KIF5C: variants seen among roughly 807,000 people sequenced by gnomAD.
KIF5C encodes kinesin family member 5C, also known as kinesin heavy chain isoform 5C.
A neutral mutation model predicts 125.2 loss-of-function variants in KIF5C; 18 were observed. The observed-to-expected ratio is 0.14, with a 90% confidence interval of 0.10 to 0.21. The LOEUF is 0.21. Ranked by LOEUF, KIF5C falls within the 10% of genes least tolerant of loss-of-function variation. The pLI, the probability that KIF5C is intolerant of heterozygous loss-of-function variation, is 1.00. For synonymous variants in KIF5C, 405 were observed against 434.0 expected, an observed-to-expected ratio of 0.93 and a Z score of 0.83; for missense variants, 780 against 1,183.8, an observed-to-expected ratio of 0.66 and a Z score of 5.01.
intron 13 of KIF5C, among the ~76,000 whole-genome samples, chr2:148,979,886 A>C (rs1257117991): frequency 6.6e-6 from 1 of 152,218 alleles, no homozygotes; most frequent in Non-Finnish European, 1.5e-5. Flanking sequence ...GTATTTTACA[A>C]ACAAGAACCT....
At position 148,997,247 on chromosome 2, in the gene KIF5C, T is replaced by C. The variant is rs776755588; in HGVS notation, c.2024-17T>C. 18 of 1,607,964 alleles carry C rather than the reference T, an allele frequency of 1.1e-5. 1 individual carries two copies. In the South Asian group the frequency reaches 1.7e-4, roughly 15 times the overall value. ...CCACCAGTTAAGTCTTAAATCATCATTTAAAATTCAAAACAGAAAAAATGC... is the reference window on the plus strand; with the variant it reads ...CCACCAGTTAAGTCTTAAATCATCACTTAAAATTCAAAACAGAAAAAATGC... On this transcript the variant is annotated splice_polypyrimidine_tract_variant and intron_variant, in intron 17 of 25. Transcript: ENST00000435030.
Position 148,981,459 on chromosome 2 carries a change from G to A in KIF5C, c.1467G>A (p.Gln489=). 1.9e-6 allele frequency: 3 copies of A among 1,609,018 alleles called. No individual in the cohort carries two copies. The highest frequency in any genetic ancestry group is 2.5e-6 in the Non-Finnish European group (3 of 1,177,794). Residue 489 remains glutamine (Q), a synonymous_variant, in exon 14 of 26, where the codon CAG becomes CAA. Transcript: ENST00000435030. ...AGGATGAGGTGAAAGAAGTTCTCCAGGCCCTGGAGGAGCTGGCTGTCAATT... is the reference window on the plus strand; with the variant it reads ...AGGATGAGGTGAAAGAAGTTCTCCAAGCCCTGGAGGAGCTGGCTGTCAATT... ...AAKDEVKEVL[Q]ALEELAVNYD... is the part of the protein sequence containing the mutation.
At chr2:148,921,254 A>G (rs1681774646) in intron 1 of KIF5C, among the ~76,000 whole-genome samples, 1 of 152,150 alleles carries the variant, frequency 6.6e-6, no homozygotes, top group African/African-American at 2.4e-5. Flanking sequence ...TTGAGCATCA[A>G]ACCAAATCCC....
At chr2:148,997,454 G>T (rs757411270) in intron 18 of KIF5C, 114 bp downstream of exon 18, 1 of 1,539,264 alleles carries the variant, frequency 6.5e-7, no homozygotes. Context: ...CAAGGGACAG[G>T]GGAGGGGCTG....
chr2:148,885,792 G>A (rs934844471), intron 1 of KIF5C: 10 of 152,322 alleles, frequency 6.6e-5, no homozygotes, highest in African/African-American at 2.4e-4. Flanking sequence ...ATCTTTGGCT[G>A]CAGGGTATGT....
intron 3 of KIF5C, among the ~76,000 whole-genome samples, chr2:148,933,629 A>G (rs1403111776): frequency 6.7e-5 from 10 of 149,374 alleles, no homozygotes; most frequent in African/African-American, 2.2e-4. Context: ...ACCATACACC[A>G]CTACCACACC....
rs1680975562 is a variant in KIF5C at position 148,903,286 on chromosome 2, C to G, written c.127-18851C>G. Among the ~76,000 whole-genome samples, 4 of 152,308 alleles carry G rather than the reference C, an allele frequency of 2.6e-5. No homozygotes were observed. The South Asian group carries it at 8.3e-4, about 32-fold the overall frequency. On this transcript the variant is annotated intron_variant, in intron 1 of 25. Coordinates refer to ENST00000435030, the MANE Select transcript of KIF5C (RefSeq NM_004522.3). ...TATCTGTCATGTTAAATAAACAGGT[C>G]TGCCCACAAGAGCATGGCTACTGGC...
At chr2:148,882,384 C>T (rs1681390662) in intron 1 of KIF5C, among the ~76,000 whole-genome samples, 1 of 152,212 alleles carries the variant, frequency 6.6e-6, no homozygotes, top group African/African-American at 2.4e-5. Flanking sequence ...GCTTACTTCT[C>T]TACACTGTTG....
chr2:148,906,345 AAGTCCCATGGGAGGGAGATGCCACAGTTG>A (rs1681107332), intron 1 of KIF5C, among the ~76,000 whole-genome samples: 3 of 152,158 alleles, frequency 2.0e-5, no homozygotes, highest in African/African-American at 7.2e-5. Context: ...GATCATAAGG[AAGTCCCATGGGAGGGAGATGCCACAGTTG>A]GCATCTAAGT....
chr2:149,000,930 T>C, intron 21 of KIF5C, 148 bp downstream of exon 21: 1 of 1,415,982 alleles, frequency 7.1e-7, no homozygotes, highest in Non-Finnish European at 9.4e-7. Flanking sequence ...ATTTGTAGAA[T>C]TTAGTCCTCA....
chr2:148,996,020 T>C (rs1045504488), intron 17 of KIF5C, among the ~76,000 whole-genome samples: 39 of 152,130 alleles, frequency 2.6e-4, no homozygotes, highest in South Asian at 1.9e-3. Context: ...CAGGGTGTGG[T>C]GGCACACGCC....
intron 8 of KIF5C, among the ~76,000 whole-genome samples, chr2:148,948,276 G>C (rs1379314660): frequency 6.6e-6 from 1 of 151,152 alleles, no homozygotes; most frequent in South Asian, 2.1e-4. Context: ...AGAATGGCGT[G>C]AACCCGGGAG....
intron 11 of KIF5C, among the ~76,000 whole-genome samples, chr2:148,967,013 C>T (rs1164716727): frequency 1.3e-5 from 2 of 152,148 alleles, no homozygotes; most frequent in African/African-American, 4.8e-5. Context: ...AAGACAGGGG[C>T]CACTTCAGAA....
intron 11 of KIF5C, among the ~76,000 whole-genome samples, chr2:148,962,481 G>T (rs1682953445): frequency 6.6e-6 from 1 of 151,962 alleles, no homozygotes; most frequent in South Asian, 2.1e-4. Flanking sequence ...GCCTGGCCGT[G>T]TGTGTGCTTT....
intron 2 of KIF5C, among the ~76,000 whole-genome samples, chr2:148,922,984 T>C (rs1222638813): frequency 1.3e-5 from 2 of 152,206 alleles, no homozygotes; most frequent in Non-Finnish European, 2.9e-5. Context: ...CAGGGGCAGG[T>C]TGAAGCTTGC....
In KIF5C at chr2:149,000,552, T is replaced by C. The variant is rs887743069; in HGVS notation, c.2312+28T>C. 1.9e-6 allele frequency: 3 copies of C among 1,546,064 alleles called. No homozygotes were observed. The African/African-American group carries it at 4.1e-5, about 21-fold the overall frequency. On this transcript the variant is annotated intron_variant, in intron 20 of 25. Transcript: ENST00000435030. ...GAGTGCACTCTAAATATTTCCTCTA[T>C]TTTCTCTCATCCCCATGATATTCTG... is the stretch of plus-strand genomic sequence containing the variant.
intron 13 of KIF5C, 34 bp downstream of exon 13, chr2:148,979,024 GTTC>G (rs1351736725): frequency 6.6e-7 from 1 of 1,525,894 alleles, no homozygotes; most frequent in Non-Finnish European, 8.8e-7. Flanking sequence ...TTTCCACAAA[GTTC>G]TTCTATTACT....
chr2:148,961,728 G>A (rs1036661408), intron 10 of KIF5C, among the ~76,000 whole-genome samples: 2 of 152,148 alleles, frequency 1.3e-5, no homozygotes, highest in Admixed American at 6.5e-5. Context: ...GAGACAATTC[G>A]AATAAATGTT....
rs1225745447 is a variant in KIF5C at position 149,023,823 on chromosome 2, A to T, written c.*753A>T. ...TAGTCTTAGCCGGCCCGGTTTGAACATCGTTCTTTCAGAAGTGCTGAAAAT... is the reference window on the plus strand; with the variant it reads ...TAGTCTTAGCCGGCCCGGTTTGAACTTCGTTCTTTCAGAAGTGCTGAAAAT... On this transcript the variant is annotated 3_prime_UTR_variant, in exon 26 of 26. Transcript: ENST00000435030. The T allele has an allele frequency of 6.6e-6, 1 of 152,228 alleles. No individual in the cohort carries two copies. Among genetic ancestry groups the T allele is most frequent in the African/African-American group, 2.4e-5 (1 of 41,460 alleles). The allele number at this position is 152,228 out of a possible 1,614,324, so 9.4% of individuals were successfully genotyped here. A position where few individuals can be genotyped will look rare whatever the true frequency, so the allele number is the denominator to read the frequency against.
Sources: gnomAD v4.1 joint callset for allele counts (sites outside exome capture counted in the v4.1 genomes callset) on GRCh38, gnomAD v4.1.1 for gene constraint, MANE v1.5 for transcripts, NCBI Gene and HGNC (gene_info 2026-07-23, HGNC 2026-07-21) for gene names.